The following ASAP1 variants were observed in gnomAD, a reference collection of about 807,000 sequenced individuals.
The protein encoded by ASAP1 is arf-GAP with SH3 domain, ANK repeat and PH domain-containing protein 1.
ASAP1 carries 43 observed loss-of-function variants against 145.2 expected under a neutral mutation model. The observed-to-expected ratio is 0.30, with a 90% CI of 0.23 to 0.38. ASAP1 has a LOEUF of 0.38. Among genes scored for constraint, ASAP1 ranks in the 10% least tolerant of loss-of-function variants. The probability of loss-of-function intolerance (pLI) is 1.00; values close to 1 mark genes in which losing one functional copy is unlikely to be tolerated. For missense variants in ASAP1, 1,018 were observed against 1,355.3 expected, an observed-to-expected ratio of 0.75 and a Z score of 3.91; for synonymous variants, 546 against 515.5, an observed-to-expected ratio of 1.06 and a Z score of -0.80.
chr8:130,188,032 C>T (rs1814861031), intron 6 of ASAP1, 77 bp downstream of exon 6: 9 of 999,494 alleles, frequency 9.0e-6, no homozygotes, highest in Middle Eastern at 2.4e-4. Context: ...AATACAAGTA[C>T]TACTATGATC....
chr8:130,119,799 C>T (rs1192778341), intron 18 of ASAP1, among the ~76,000 whole-genome samples: 2 of 146,426 alleles, frequency 1.4e-5, no homozygotes, highest in African/African-American at 4.9e-5. Context: ...TCATGAGCTT[C>T]AGTTTTTTTT....
At chr8:130,286,810 C>T (rs1326301943) in intron 3 of ASAP1, among the ~76,000 whole-genome samples, 1 of 152,218 alleles carries the variant, frequency 6.6e-6, no homozygotes, top group East Asian at 1.9e-4. Flanking sequence ...ACAACTTTAA[C>T]ACCTTTGTGC....
At chr8:130,224,781 A>G (rs149265289) in intron 4 of ASAP1, among the ~76,000 whole-genome samples, 1,703 of 152,322 alleles carry the variant, frequency 0.011, 28 homozygotes, top group African/African-American at 0.04. Flanking sequence ...ACAATGCTAC[A>G]ATAAATACTC....
chr8:130,144,126 C>T (rs1445674667), intron 13 of ASAP1, among the ~76,000 whole-genome samples: 4 of 152,208 alleles, frequency 2.6e-5, no homozygotes, highest in African/African-American at 9.6e-5. Flanking sequence ...TAGACACCTA[C>T]TGTGCCCTAC....
chr8:130,071,048 A>AGAGAGAG (rs2097445313), intron 27 of ASAP1, among the ~76,000 whole-genome samples: 2 of 59,326 alleles, frequency 3.4e-5, no homozygotes, highest in Non-Finnish European at 6.4e-5. Flanking sequence ...GAGAGAGAGA[A>AGAGAGAG]AGCAGAGTTT....
At chr8:130,390,655 G>C (rs1335229295) in intron 2 of ASAP1, among the ~76,000 whole-genome samples, 1 of 152,106 alleles carries the variant, frequency 6.6e-6, no homozygotes, top group Non-Finnish European at 1.5e-5. Context: ...CTGTTTAATT[G>C]GGCCACACAA....
intron 4 of ASAP1, among the ~76,000 whole-genome samples, chr8:130,230,486 T>C (rs1817848022): frequency 6.6e-6 from 1 of 152,146 alleles, no homozygotes; most frequent in Admixed American, 6.5e-5. Context: ...CTCTCCTGGG[T>C]AAGTATATTC....
At chr8:130,145,054 C>T (rs1045243699) in intron 13 of ASAP1, among the ~76,000 whole-genome samples, 3 of 152,146 alleles carry the variant, frequency 2.0e-5, no homozygotes, top group Admixed American at 1.3e-4. Flanking sequence ...TAAGACGTGG[C>T]GCTGAGGTTA....
At chr8:130,116,608 C>A in intron 22 of ASAP1, 70 bp downstream of exon 22, 1 of 1,351,440 alleles carries the variant, frequency 7.4e-7, no homozygotes, top group Non-Finnish European at 1.0e-6. Context: ...ATATTCAATT[C>A]TAGCTTCTCA....
rs867917190 is a variant in ASAP1, at chr8:130,099,031, G to C, written c.2402-6888C>G. On this transcript the variant is annotated intron_variant, in intron 24 of 29. Transcript: ENST00000518721. ...TATAAGCTTTTTTTTTTTTTTTTTT[G>C]AGACAGTCTCACTCTGTTGCCCAGG... 5.4e-4 allele frequency among the ~76,000 whole-genome samples: 16 copies of C among 29,568 alleles called. No homozygotes were observed. In the East Asian group the frequency reaches 0.018, roughly 34 times the overall value. The allele number at this position is 29,568 out of a possible 152,430, so 19.4% of individuals were successfully genotyped here. A position where few individuals can be genotyped will look rare whatever the true frequency, so the allele number is the denominator to read the frequency against.
At chr8:130,359,640 G>A (rs1356804172) in intron 2 of ASAP1, among the ~76,000 whole-genome samples, 3 of 142,178 alleles carry the variant, frequency 2.1e-5, no homozygotes, top group African/African-American at 7.8e-5. Flanking sequence ...TTTTTGAGAC[G>A]GAGTCTCGCT....
chr8:130,069,684 T>C (rs1396493260), intron 27 of ASAP1: 1 of 152,370 alleles, frequency 6.6e-6, no homozygotes, highest in East Asian at 1.9e-4. Flanking sequence ...TTATCGAAGC[T>C]TGGGTGGACC....
At chr8:130,284,077 A>C (rs1821441708) in intron 3 of ASAP1, among the ~76,000 whole-genome samples, 1 of 152,192 alleles carries the variant, frequency 6.6e-6, no homozygotes, top group Non-Finnish European at 1.5e-5. Flanking sequence ...TTAAATTTCC[A>C]GTTCACTGGC....
chr8:130,368,526 T>A (rs1267795367), intron 2 of ASAP1, among the ~76,000 whole-genome samples: 2 of 152,228 alleles, frequency 1.3e-5, no homozygotes, highest in African/African-American at 4.8e-5. Context: ...ACTAAAGGGC[T>A]GGACCCAGGC....
chr8:130,443,183 GCCC>G (rs1287911041), intron 1 of ASAP1, among the ~76,000 whole-genome samples: 4 of 151,856 alleles, frequency 2.6e-5, no homozygotes, highest in Non-Finnish European at 5.9e-5. Flanking sequence ...CACTGCAGGG[GCCC>G]CCTCTCCCGA....
At chr8:130,270,056 G>C (rs1471164342) in intron 3 of ASAP1, among the ~76,000 whole-genome samples, 1 of 152,320 alleles carries the variant, frequency 6.6e-6, no homozygotes, top group East Asian at 1.9e-4. Flanking sequence ...TGTAATCCCA[G>C]CTATTCTGGA....
At chr8:130,258,486 T>G (rs1189114727) in intron 3 of ASAP1, among the ~76,000 whole-genome samples, 1 of 152,220 alleles carries the variant, frequency 6.6e-6, no homozygotes, top group Non-Finnish European at 1.5e-5. Flanking sequence ...ACTGAGTGTA[T>G]CCTTCATTAC....
intron 3 of ASAP1, among the ~76,000 whole-genome samples, chr8:130,333,283 T>C (rs905634932): frequency 1.3e-5 from 2 of 152,192 alleles, no homozygotes; most frequent in African/African-American, 4.8e-5. Flanking sequence ...TTACTTGAGA[T>C]TTTTCATCTT....
At chr8:130,333,231 AAACC>A (rs1229479546) in intron 3 of ASAP1, among the ~76,000 whole-genome samples, 10 of 152,362 alleles carry the variant, frequency 6.6e-5, no homozygotes, top group African/African-American at 2.4e-4. Flanking sequence ...AAAGAATTAT[AAACC>A]AACATGTTTT....
Sources: gnomAD v4.1 joint callset for allele counts (sites outside exome capture counted in the v4.1 genomes callset) on GRCh38, gnomAD v4.1.1 for gene constraint, MANE v1.5 for transcripts, NCBI Gene and HGNC (gene_info 2026-07-23, HGNC 2026-07-21) for gene names.